OPCML: variants seen among roughly 807,000 people sequenced by gnomAD.
OPCML encodes opioid-binding protein/cell adhesion molecule.
In OPCML, 13 loss-of-function variants were observed where a neutral mutation model predicts 37.8. That is an observed-to-expected ratio of 0.34 (90% CI 0.22 to 0.55). OPCML has a LOEUF of 0.55. Ranked by LOEUF, OPCML falls within the 20% of genes least tolerant of loss-of-function variation. The probability of loss-of-function intolerance (pLI) is 0.91; values close to 1 mark genes in which losing one functional copy is unlikely to be tolerated. For missense variants in OPCML, 341 were observed against 435.6 expected, an observed-to-expected ratio of 0.78 and a Z score of 1.93; for synonymous variants, 176 against 168.8, an observed-to-expected ratio of 1.04 and a Z score of -0.33.
chr11:132,464,342 C>T (rs968081647), intron 4 of OPCML, among the ~76,000 whole-genome samples: 4 of 152,164 alleles, frequency 2.6e-5, no homozygotes, highest in East Asian at 1.9e-4. Flanking sequence ...GACTTCACAC[C>T]ACGTGACATT....
intron 1 of OPCML, among the ~76,000 whole-genome samples, chr11:133,149,438 G>T (rs947229857): frequency 6.6e-5 from 10 of 152,202 alleles, no homozygotes; most frequent in African/African-American, 2.4e-4. Flanking sequence ...CCAGGCAACT[G>T]CTAGGCTTCC....
At chr11:132,725,205 G>A (rs935683031) in intron 2 of OPCML, among the ~76,000 whole-genome samples, 10 of 152,208 alleles carry the variant, frequency 6.6e-5, no homozygotes, top group Middle Eastern at 3.2e-3. Flanking sequence ...TGAATATCCA[G>A]GCGTTTTCAT....
intron 7 of OPCML, among the ~76,000 whole-genome samples, chr11:132,424,679 G>C (rs886988184): frequency 6.6e-6 from 1 of 152,114 alleles, no homozygotes; most frequent in African/African-American, 2.4e-5. Flanking sequence ...GTGATCTTAG[G>C]CAAGATACTT....
intron 2 of OPCML, among the ~76,000 whole-genome samples, chr11:132,834,457 G>A (rs1189035604): frequency 2.0e-5 from 3 of 152,192 alleles, no homozygotes; most frequent in Non-Finnish European, 2.9e-5. Context: ...AAGGGTAGAA[G>A]TCCAAACCAA....
At chr11:133,520,516 T>C (rs770278032) in intron 1 of OPCML, among the ~76,000 whole-genome samples, 3 of 152,158 alleles carry the variant, frequency 2.0e-5, no homozygotes, top group Non-Finnish European at 4.4e-5. Flanking sequence ...TAGTTTCCCC[T>C]TGGGCCTGGG....
chr11:132,564,345 C>G (rs747841548), intron 3 of OPCML, among the ~76,000 whole-genome samples: 5 of 152,204 alleles, frequency 3.3e-5, no homozygotes, highest in African/African-American at 1.2e-4. Flanking sequence ...GAGACCTAAC[C>G]GCTTCCTTCC....
chr11:133,026,582 G>T, intron 1 of OPCML: 1 of 985,206 alleles, frequency 1.0e-6, no homozygotes, highest in Non-Finnish European at 1.2e-6. Flanking sequence ...GTGAAACTGT[G>T]ATTCTTTCTA....
chr11:132,829,730 T>G (rs73585660), intron 2 of OPCML, among the ~76,000 whole-genome samples: 126 of 152,308 alleles, frequency 8.3e-4, no homozygotes, highest in African/African-American at 2.2e-3. Flanking sequence ...TTTCTGTTTT[T>G]GGGGGTTTGC....
At chr11:133,337,503 C>A (rs560122777) in intron 1 of OPCML, among the ~76,000 whole-genome samples, 2 of 152,262 alleles carry the variant, frequency 1.3e-5, no homozygotes, top group South Asian at 4.1e-4. Context: ...AGCTCTTGCC[C>A]CTTTTTGTGG....
Position 133,140,186 on chromosome 11 carries a change from C to CAATAATAATAATAAT in OPCML, c.62-197191_62-197177dup, listed in dbSNP as rs59577218. 1.9e-3 allele frequency among the ~76,000 whole-genome samples: 235 copies of CAATAATAATAATAAT among 124,800 alleles called. 2 individuals carry two copies. The highest frequency in any genetic ancestry group is 3.4e-3 in the East Asian group (14 of 4,082). 81.9% of individuals were successfully genotyped at this position (124,800 alleles called of 152,430 possible). ...TGGGCGACAGAGTGAGACTCCGTCT[C>CAATAATAATAATAAT]AATAATAATAATAATAATAATAATA... On this transcript the variant is annotated intron_variant, in intron 1 of 7. Transcript: ENST00000524381.
intron 2 of OPCML, among the ~76,000 whole-genome samples, chr11:132,713,614 G>A (rs1484285115): frequency 2.0e-5 from 3 of 152,128 alleles, no homozygotes; most frequent in African/African-American, 7.2e-5. Flanking sequence ...GATGTATTCA[G>A]TTCTCCTCCC....
At chr11:133,475,308 CAACA>C (rs1399727965) in intron 1 of OPCML, among the ~76,000 whole-genome samples, 33 of 152,016 alleles carry the variant, frequency 2.2e-4, no homozygotes, top group African/African-American at 7.2e-4. Context: ...GATGCAAATG[CAACA>C]AACAGTCACC....
chr11:132,617,428 G>A (rs1939107494), intron 3 of OPCML, among the ~76,000 whole-genome samples: 1 of 152,196 alleles, frequency 6.6e-6, no homozygotes, highest in African/African-American at 2.4e-5. Flanking sequence ...ACACTTCGAA[G>A]TCAACATGTG....
chr11:132,831,837 G>A (rs2136279881), intron 2 of OPCML, among the ~76,000 whole-genome samples: 1 of 152,174 alleles, frequency 6.6e-6, no homozygotes, highest in Non-Finnish European at 1.5e-5. Context: ...TGTCATTCAA[G>A]GAGTTTTCTT....
At chr11:132,825,015 T>C (rs957231001) in intron 2 of OPCML, among the ~76,000 whole-genome samples, 1 of 152,190 alleles carries the variant, frequency 6.6e-6, no homozygotes, top group Non-Finnish European at 1.5e-5. Context: ...AAAGGGGCAC[T>C]TCATGCTACC....
chr11:133,355,373 T>C (rs544117420), intron 1 of OPCML, among the ~76,000 whole-genome samples: 1 of 152,304 alleles, frequency 6.6e-6, no homozygotes, highest in Admixed American at 6.5e-5. Flanking sequence ...AATACAAGTC[T>C]ATAAGGCAGA....
chr11:132,920,904 A>G (rs1944770184), intron 2 of OPCML, among the ~76,000 whole-genome samples: 1 of 151,860 alleles, frequency 6.6e-6, no homozygotes, highest in Non-Finnish European at 1.5e-5. Flanking sequence ...TCTCCTCCCC[A>G]CACCTTGTCC....
At chr11:133,131,138 T>G (rs1046271185) in intron 1 of OPCML, among the ~76,000 whole-genome samples, 1 of 152,138 alleles carries the variant, frequency 6.6e-6, no homozygotes, top group African/African-American at 2.4e-5. Flanking sequence ...AAGATGGCTG[T>G]CTGTGAACCA....
At chr11:133,103,028 G>C (rs998214903) in intron 1 of OPCML, among the ~76,000 whole-genome samples, 1 of 152,096 alleles carries the variant, frequency 6.6e-6, no homozygotes, top group Non-Finnish European at 1.5e-5. Context: ...GACTGTTGTC[G>C]TCAGCTTCTC....
Sources: gnomAD v4.1 joint callset for allele counts (sites outside exome capture counted in the v4.1 genomes callset) on GRCh38, gnomAD v4.1.1 for gene constraint, MANE v1.5 for transcripts, NCBI Gene and HGNC (gene_info 2026-07-23, HGNC 2026-07-21) for gene names.